Variants in ATP2C2 observed in about 807,000 individuals in gnomAD.
ATP2C2 encodes calcium-transporting ATPase type 2C member 2.
A neutral mutation model predicts 110.8 loss-of-function variants in ATP2C2; 171 were observed. The observed-to-expected ratio is 1.54, with a 90% confidence interval of 1.36 to 1.75. The LOEUF (loss-of-function observed/expected upper bound fraction) is 1.75, where lower values mean the gene tolerates loss of function less well. Among genes scored for constraint, ATP2C2 ranks in the 40% most tolerant of loss-of-function variants. The pLI is 0.00. For synonymous variants in ATP2C2, 804 were observed against 508.4 expected (o/e 1.58, Z -7.82); for missense variants, 1,963 against 1,235.0 (o/e 1.59, Z -8.84).
chr16:84,446,946 G>C (rs1465831462), intron 16 of ATP2C2, among the ~76,000 whole-genome samples: 2 of 152,158 alleles, frequency 1.3e-5, no homozygotes, highest in Non-Finnish European at 2.9e-5. Flanking sequence ...AGTACGGAAG[G>C]CGTGTCTGTG....
chr16:84,395,307 C>T (rs749077339), intron 1 of ATP2C2, among the ~76,000 whole-genome samples: 10 of 152,018 alleles, frequency 6.6e-5, no homozygotes, highest in Non-Finnish European at 1.2e-4. Context: ...CAGCATGGCA[C>T]CCTGTCACCC....
intron 6 of ATP2C2, among the ~76,000 whole-genome samples, chr16:84,411,979 C>G (rs1325219115): frequency 6.8e-6 from 1 of 146,296 alleles, no homozygotes; most frequent in African/African-American, 2.5e-5. Flanking sequence ...TCTCTTCTTT[C>G]TTTTCCTTTC....
chr16:84,370,806 C>T (rs546295526), intron 1 of ATP2C2, among the ~76,000 whole-genome samples: 1 of 152,118 alleles, frequency 6.6e-6, no homozygotes, highest in Admixed American at 6.5e-5. Context: ...TCTAAGCCCT[C>T]CCCTCCCCCA....
In ATP2C2 at chr16:84,461,975, C is replaced by A; in HGVS notation, c.2581-13C>A. ...GACAGCACACAATCCCCCGTGTGAC[C>A]TTCTCCCTGCAGACCAAGCTGATAT... On this transcript the variant is annotated splice_polypyrimidine_tract_variant and intron_variant, in intron 25 of 26. Coordinates refer to ENST00000262429, the MANE Select transcript of ATP2C2 (RefSeq NM_014861.4). The A allele has an allele frequency of 1.9e-6, 3 of 1,612,212 alleles. No individual in the cohort carries two copies. Among genetic ancestry groups the A allele is most frequent in the Non-Finnish European group, 2.5e-6 (3 of 1,178,500 alleles).
intron 11 of ATP2C2, among the ~76,000 whole-genome samples, chr16:84,433,824 G>A (rs902316215): frequency 4.6e-5 from 7 of 151,932 alleles, no homozygotes; most frequent in Non-Finnish European, 1.0e-4. Context: ...CTGTGCTCAA[G>A]CCCCAAATAC....
At chr16:84,445,927 C>G (rs1168926340) in intron 15 of ATP2C2, among the ~76,000 whole-genome samples, 1 of 152,206 alleles carries the variant, frequency 6.6e-6, no homozygotes, top group Non-Finnish European at 1.5e-5. Context: ...AAGGGCCAGG[C>G]TGGCAAGGAC....
rs1289875476 is a variant in ATP2C2 at position 84,405,211 on chromosome 16, C to T, written c.294C>T (p.Asn98=). 1.9e-6 allele frequency: 3 copies of T among 1,614,088 alleles called. No individual in the cohort carries two copies. The highest frequency in any genetic ancestry group is 1.7e-6 in the Non-Finnish European group (2 of 1,179,984). Reference sequence around the variant, plus strand: ...GCTGGAATGAGTTTGTTGCTGACAACAGCGAACCTGTGTGGAAGAAATACC... The same window carrying T: ...GCTGGAATGAGTTTGTTGCTGACAATAGCGAACCTGTGTGGAAGAAATACC... ...AHGWNEFVAD[N]SEPVWKKYLD... is the part of the protein sequence containing the mutation. The change falls in exon 3 of 27, where the codon AAC becomes AAT. Residue 98 remains asparagine, a synonymous_variant. Coordinates refer to ENST00000262429, the MANE Select transcript of ATP2C2 (RefSeq NM_014861.4).
intron 2 of ATP2C2, among the ~76,000 whole-genome samples, chr16:84,400,016 T>C (rs1026700770): frequency 1.3e-5 from 2 of 152,224 alleles, no homozygotes; most frequent in African/African-American, 2.4e-5. Flanking sequence ...AGTTTGCCTT[T>C]CTGTGTCTGG....
intron 23 of ATP2C2, chr16:84,459,895 C>T (rs1034428440): frequency 3.0e-6 from 1 of 331,662 alleles, no homozygotes; most frequent in South Asian, 3.2e-5. Context: ...TCAGTAGGTG[C>T]TCAGGAGTCC....
At chr16:84,439,613 A>T (rs1355015862) in intron 13 of ATP2C2, 89 bp downstream of exon 13, 1 of 1,229,406 alleles carries the variant, frequency 8.1e-7, no homozygotes, top group Non-Finnish European at 1.2e-6. Context: ...CTTCTAGAAC[A>T]CAATAAGGAA....
intron 2 of ATP2C2, among the ~76,000 whole-genome samples, chr16:84,398,966 G>C (rs1208513041): frequency 6.6e-6 from 1 of 152,230 alleles, no homozygotes; most frequent in East Asian, 1.9e-4. Flanking sequence ...GCCCAGCGTG[G>C]AGTCCAGCTG....
chr16:84,398,443 AAATT>A (rs1905121717), intron 1 of ATP2C2, 52 bp from the exon 2 acceptor site: 6 of 1,044,576 alleles, frequency 5.7e-6, no homozygotes, highest in African/African-American at 1.7e-5. Context: ...ATAAATTTAA[AAATT>A]AATCAGTACA....
intron 17 of ATP2C2, among the ~76,000 whole-genome samples, chr16:84,451,615 A>T (rs1944005336): frequency 6.6e-6 from 1 of 152,170 alleles, no homozygotes; most frequent in African/African-American, 2.4e-5. Flanking sequence ...AGGTGGGCAG[A>T]TCACCTGAGG....
chr16:84,419,242 C>G (rs2150538402), intron 7 of ATP2C2, among the ~76,000 whole-genome samples: 1 of 114,290 alleles, frequency 8.7e-6, no homozygotes, highest in Non-Finnish European at 1.8e-5. Context: ...AAAAAAAGTG[C>G]TACTGGGGCC....
intron 1 of ATP2C2, among the ~76,000 whole-genome samples, chr16:84,384,809 G>T (rs1322932822): frequency 6.6e-6 from 1 of 152,198 alleles, no homozygotes; most frequent in East Asian, 1.9e-4. Flanking sequence ...CAGCACTTTG[G>T]AAGGCCAAGG....
chr16:84,410,908 C>T, intron 6 of ATP2C2, 143 bp downstream of exon 6: 1 of 770,650 alleles, frequency 1.3e-6, no homozygotes, highest in Non-Finnish European at 2.1e-6. Flanking sequence ...AAGGCCTGGT[C>T]TCCGCCTGCC....
chr16:84,452,080 C>G lies in ATP2C2; in HGVS notation c.1820C>G (p.Ala607Gly). 6.2e-7 allele frequency: 1 copy of G among 1,613,872 alleles called. No homozygotes were observed. ...KMITGDALET[A>G]LAIGRNIGLC... is the part of the protein sequence containing the mutation. ...ATAACGGGGGATGCCCTGGAGACGG[C>G]CTTGGCCATAGGTAACTGGGACAGG... The change falls in exon 18 of 27, where the codon GCC becomes GGC. Residue 607 changes from alanine to glycine, a missense_variant. Coordinates refer to ENST00000262429, the MANE Select transcript of ATP2C2 (RefSeq NM_014861.4).
intron 7 of ATP2C2, 35 bp from the exon 8 acceptor site, chr16:84,422,355 A>G (rs2288573): frequency 0.46 from 731,323 of 1,597,234 alleles, 171,845 homozygotes; most frequent in African/African-American, 0.67. Context: ...GGGGTGACAG[A>G]GAGATTCCAC....
In ATP2C2 at chr16:84,459,254, T is replaced by A; in HGVS notation, c.2217-16T>A. The A allele has an allele frequency of 1.2e-6, 2 of 1,614,112 alleles. No homozygotes were observed. Among genetic ancestry groups the A allele is most frequent in the Non-Finnish European group, 1.7e-6 (2 of 1,179,926 alleles). ...GCCTGGCGGGCGGCCGCTGACTGGC[T>A]GCGTGTGCCCCGCAGGAGCATCTCC... On this transcript the variant is annotated splice_polypyrimidine_tract_variant and intron_variant, in intron 22 of 26. Transcript: ENST00000262429.
Sources: allele counts gnomAD v4.1 joint callset (sites outside exome capture counted in the v4.1 genomes callset), GRCh38; gene constraint gnomAD v4.1.1; transcripts MANE v1.5; gene names NCBI Gene and HGNC (gene_info 2026-07-23, HGNC 2026-07-21).